Variants in PRKG1 observed in about 807,000 individuals in gnomAD.
PRKG1 encodes the protein protein kinase cGMP-dependent 1.
Under a neutral mutation model 88.1 loss-of-function variants are expected in PRKG1, and 35 were observed. The observed-to-expected ratio is 0.40, with a 90% CI of 0.30 to 0.53. The LOEUF is 0.53. PRKG1 is among the 20% of genes least tolerant of loss of function. PRKG1 has a pLI of 0.59. For missense variants in PRKG1, 540 were observed against 839.8 expected (o/e 0.64, Z 4.41); for synonymous variants, 303 against 292.5 (o/e 1.04, Z -0.37).
At chr10:51,953,631 G>A (rs1343424834) in intron 5 of PRKG1, among the ~76,000 whole-genome samples, 3 of 152,106 alleles carry the variant, frequency 2.0e-5, no homozygotes, top group South Asian at 2.1e-4. Context: ...ACAGTGCCTG[G>A]CAGTGTGTCA....
chr10:52,214,843 G>A (rs1208784671), intron 9 of PRKG1, among the ~76,000 whole-genome samples: 1 of 152,084 alleles, frequency 6.6e-6, no homozygotes, highest in African/African-American at 2.4e-5. Context: ...AGAAGATATG[G>A]AGCAGGTAAC....
At chr10:52,021,775 T>C (rs1845192851) in intron 5 of PRKG1, among the ~76,000 whole-genome samples, 1 of 152,202 alleles carries the variant, frequency 6.6e-6, no homozygotes. Context: ...ACTCTCCAGG[T>C]AATTATTCAA....
In PRKG1 at chr10:51,115,372, C is replaced by CATATATATATATATAT. The variant is rs57104400; in HGVS notation, c.312-37779_312-37778insTATATATATATATATA. ...GATGTTACAATAATGTTCCTTTAAA[C>CATATATATATATATAT]ATATATATATATAAAACAAATGTGA... On this transcript the variant is annotated intron_variant, in intron 1 of 17. Coordinates refer to ENST00000373980, the MANE Select transcript of PRKG1 (RefSeq NM_006258.4). Among the ~76,000 whole-genome samples, 194 of 31,734 alleles carry CATATATATATATATAT rather than the reference C, an allele frequency of 6.1e-3. 11 individuals are homozygous for CATATATATATATATAT. Among genetic ancestry groups the CATATATATATATATAT allele is most frequent in the South Asian group, 0.021 (14 of 660 alleles). The allele number at this position is 31,734 out of a possible 152,430, so 20.8% of individuals were successfully genotyped here. A position where few individuals can be genotyped will look rare whatever the true frequency, so the allele number is the denominator to read the frequency against.
chr10:52,198,861 C>T (rs1244192685), intron 9 of PRKG1, among the ~76,000 whole-genome samples: 1 of 151,486 alleles, frequency 6.6e-6, no homozygotes, highest in Non-Finnish European at 1.5e-5. Context: ...CACTCTGTTT[C>T]CTTTTCTTAA....
chr10:51,504,601 G>A (rs1198461562), intron 3 of PRKG1, among the ~76,000 whole-genome samples: 1 of 152,160 alleles, frequency 6.6e-6, no homozygotes, highest in Non-Finnish European at 1.5e-5. Flanking sequence ...TCCTATCCAT[G>A]AGCATGGAAT....
chr10:51,836,818 A>G (rs1840143163), intron 4 of PRKG1, among the ~76,000 whole-genome samples: 1 of 152,192 alleles, frequency 6.6e-6, no homozygotes, highest in Non-Finnish European at 1.5e-5. Context: ...CTTTTAATAT[A>G]TCATACTGCT....
intron 3 of PRKG1, among the ~76,000 whole-genome samples, chr10:51,611,518 T>C (rs12573011): frequency 1.6e-4 from 25 of 152,280 alleles, no homozygotes; most frequent in African/African-American, 5.8e-4. Flanking sequence ...CTTTGTGTAT[T>C]CTGGATATTA....
At chr10:51,960,915 C>A (rs182371785) in intron 5 of PRKG1, among the ~76,000 whole-genome samples, 1 of 152,162 alleles carries the variant, frequency 6.6e-6, no homozygotes, top group East Asian at 1.9e-4. Context: ...GTTTTATATG[C>A]CATGCTACTC....
At chr10:51,299,568 C>G in intron 2 of PRKG1, 1 of 472,910 alleles carries the variant, frequency 2.1e-6, no homozygotes, top group Non-Finnish European at 4.4e-6. Flanking sequence ...TAACATATGT[C>G]TCTAGCCCTA....
chr10:51,578,998 T>G (rs1197175576), intron 3 of PRKG1, among the ~76,000 whole-genome samples: 1 of 142,962 alleles, frequency 7.0e-6, no homozygotes, highest in African/African-American at 2.6e-5. Context: ...TTTTTTTTTT[T>G]TTTTTTTTTT....
chr10:51,404,502 G>A (rs542449466), intron 2 of PRKG1, among the ~76,000 whole-genome samples: 2 of 152,314 alleles, frequency 1.3e-5, no homozygotes, highest in East Asian at 3.9e-4. Flanking sequence ...CTACCTAAGT[G>A]TAATATGATG....
At chr10:51,164,870 C>G (rs1292285147) in intron 2 of PRKG1, among the ~76,000 whole-genome samples, 1 of 152,118 alleles carries the variant, frequency 6.6e-6, no homozygotes, top group Non-Finnish European at 1.5e-5. Flanking sequence ...AAGAAACGAA[C>G]AAAGCCTCCA....
At chr10:50,993,105 C>T (rs112502042) in intron 1 of PRKG1, among the ~76,000 whole-genome samples, 175 of 152,282 alleles carry the variant, frequency 1.1e-3, no homozygotes, top group African/African-American at 4.1e-3. Flanking sequence ...TCCGTGTCTG[C>T]CTCTGGAGTC....
At chr10:51,833,027 T>A (rs1459400541) in intron 4 of PRKG1, among the ~76,000 whole-genome samples, 1 of 152,180 alleles carries the variant, frequency 6.6e-6, no homozygotes, top group Non-Finnish European at 1.5e-5. Context: ...AGGGAGGTTT[T>A]AAGCAGTGTT....
At chr10:51,627,982 TTCTTTCTTTCTC>T (rs1168249558) in intron 3 of PRKG1, among the ~76,000 whole-genome samples, 23 of 34,060 alleles carry the variant, frequency 6.8e-4, no homozygotes, top group East Asian at 2.5e-3. Flanking sequence ...CTTTCTTTCT[TTCTTTCTTTCTC>T]TCTCTCTCTC....
chr10:51,524,924 A>G (rs1349808760), intron 3 of PRKG1, among the ~76,000 whole-genome samples: 1 of 152,240 alleles, frequency 6.6e-6, no homozygotes, highest in Non-Finnish European at 1.5e-5. Context: ...CAGTTTTTTC[A>G]AGAATGCCTA....
intron 2 of PRKG1, among the ~76,000 whole-genome samples, chr10:51,311,452 C>A (rs1306216564): frequency 6.6e-6 from 1 of 152,174 alleles, no homozygotes; most frequent in East Asian, 1.9e-4. Context: ...GTAACTGTTT[C>A]TTTCATTCAT....
intron 7 of PRKG1, among the ~76,000 whole-genome samples, chr10:52,063,583 A>T (rs912315357): frequency 6.6e-6 from 1 of 152,188 alleles, no homozygotes; most frequent in Admixed American, 6.5e-5. Context: ...CGATTTCTTG[A>T]CCTGTGACCG....
intron 2 of PRKG1, among the ~76,000 whole-genome samples, chr10:51,423,921 TA>T (rs1838494372): frequency 6.6e-6 from 1 of 152,174 alleles, no homozygotes; most frequent in Non-Finnish European, 1.5e-5. Context: ...TATTAAATTA[TA>T]CTACCATATT....
Sources: allele counts gnomAD v4.1 joint callset (sites outside exome capture counted in the v4.1 genomes callset), GRCh38; gene constraint gnomAD v4.1.1; transcripts MANE v1.5; gene names NCBI Gene and HGNC (gene_info 2026-07-23, HGNC 2026-07-21).